Variants in MYO10 observed in about 807,000 individuals in gnomAD.
MYO10 encodes myosin X.
Under a neutral mutation model 257.3 loss-of-function variants are expected in MYO10, and 133 were observed. The observed-to-expected ratio is 0.52, with a 90% confidence interval of 0.45 to 0.60. The LOEUF is 0.60. Ranked by LOEUF, MYO10 falls within the 20% of genes least tolerant of loss-of-function variation. The pLI is 0.00. For synonymous variants in MYO10, 1,104 were observed against 1,028.6 expected (o/e 1.07, Z -1.40); for missense variants, 2,399 against 2,635.7 (o/e 0.91, Z 1.97).
intron 2 of MYO10, among the ~76,000 whole-genome samples, chr5:16,851,179 A>C (rs1471683046): frequency 6.6e-6 from 1 of 152,134 alleles, no homozygotes; most frequent in Non-Finnish European, 1.5e-5. Flanking sequence ...ACATTTCTGA[A>C]CTTGAAGTCC....
intron 2 of MYO10, among the ~76,000 whole-genome samples, chr5:16,842,254 C>T (rs1194224184): frequency 6.6e-6 from 1 of 152,146 alleles, no homozygotes; most frequent in African/African-American, 2.4e-5. Context: ...AAAAGCTCCA[C>T]TGTTTAAAAT....
intron 26 of MYO10, among the ~76,000 whole-genome samples, chr5:16,697,730 C>CA (rs201567143): frequency 0.028 from 3,377 of 121,578 alleles, 60 homozygotes; most frequent in Non-Finnish European, 0.033. Flanking sequence ...GTGGTGAAGA[C>CA]AAAAAAAAGA....
intron 4 of MYO10, among the ~76,000 whole-genome samples, chr5:16,785,785 A>G (rs1028156742): frequency 1.1e-4 from 17 of 152,154 alleles, no homozygotes; most frequent in African/African-American, 4.1e-4. Flanking sequence ...CAGAAGAATC[A>G]CTTGAACCTG....
At chr5:16,696,692 C>A (rs1007145447) in intron 26 of MYO10, among the ~76,000 whole-genome samples, 4 of 134,758 alleles carry the variant, frequency 3.0e-5, no homozygotes, top group African/African-American at 1.1e-4. Context: ...CCCGTCTCTA[C>A]TCAAAATACA....
At chr5:16,918,278 A>T (rs2126798146) in intron 1 of MYO10, among the ~76,000 whole-genome samples, 1 of 151,250 alleles carries the variant, frequency 6.6e-6, no homozygotes, top group South Asian at 2.1e-4. Flanking sequence ...AGGCAGATAG[A>T]AGCATCAGCT....
intron 30 of MYO10, among the ~76,000 whole-genome samples, chr5:16,683,290 A>C (rs1737091595): frequency 6.6e-6 from 1 of 152,222 alleles, no homozygotes; most frequent in Non-Finnish European, 1.5e-5. Flanking sequence ...GCAGGCCAGA[A>C]GTAGAACTTA....
intron 33 of MYO10, among the ~76,000 whole-genome samples, chr5:16,677,617 G>A (rs1224330888): frequency 5.9e-5 from 9 of 151,354 alleles, no homozygotes; most frequent in Non-Finnish European, 7.4e-5. Context: ...GGGTTTCACC[G>A]TGTTAGCCAG....
At chr5:16,702,887 T>C in intron 23 of MYO10, 38 bp downstream of exon 23, 1 of 1,506,220 alleles carries the variant, frequency 6.6e-7, no homozygotes, top group Non-Finnish European at 9.0e-7. Flanking sequence ...ACTCAAAATG[T>C]ATCCATTTGT....
chr5:16,855,055 G>T (rs1456577754), intron 2 of MYO10, among the ~76,000 whole-genome samples: 1 of 151,492 alleles, frequency 6.6e-6, no homozygotes. Flanking sequence ...CAAAAAAACT[G>T]TTGCTTTGTA....
intron 1 of MYO10, among the ~76,000 whole-genome samples, chr5:16,912,802 G>GCGCGCA (rs374077433): frequency 9.0e-6 from 1 of 111,594 alleles, no homozygotes. Flanking sequence ...CTACCACCCT[G>GCGCGCA]CACACACACA....
chr5:16,666,523 T>C lies in MYO10; in HGVS notation c.*169A>G, dbSNP rs1736174936. 1.7e-6 allele frequency: 1 copy of C among 590,868 alleles called. No homozygotes were observed. The highest frequency in any genetic ancestry group is 3.1e-5 in the Admixed American group (1 of 32,542). 36.6% of individuals were successfully genotyped at this position (590,868 alleles called of 1,614,324 possible). On this transcript the variant is annotated 3_prime_UTR_variant, in exon 41 of 41. Transcript: ENST00000513610. ...AGTTGACAGCTTAATACAGGATCAA[T>C]GAAGGCGGCAGGCAAAAGGATCCTC...
At chr5:16,898,931 AGCCT>A (rs1745296444) in intron 1 of MYO10, among the ~76,000 whole-genome samples, 6 of 127,996 alleles carry the variant, frequency 4.7e-5, no homozygotes, top group Admixed American at 8.7e-5. Flanking sequence ...AGATCACCTG[AGCCT>A]GGCCACCTGG....
intron 2 of MYO10, among the ~76,000 whole-genome samples, chr5:16,838,434 G>C (rs898039043): frequency 5.3e-5 from 8 of 152,144 alleles, no homozygotes; most frequent in Non-Finnish European, 8.8e-5. Context: ...CCAGAGCAAG[G>C]CCCTCATTCT....
intron 34 of MYO10, among the ~76,000 whole-genome samples, chr5:16,675,393 G>C (rs1384329452): frequency 6.6e-6 from 1 of 152,140 alleles, no homozygotes; most frequent in Non-Finnish European, 1.5e-5. Context: ...AAGGTAATCT[G>C]TTGCTGAACA....
At chr5:16,741,635 A>G (rs899344207) in intron 19 of MYO10, among the ~76,000 whole-genome samples, 3 of 152,214 alleles carry the variant, frequency 2.0e-5, no homozygotes, top group African/African-American at 7.2e-5. Flanking sequence ...TTGTAGTTCA[A>G]ACTTGTACAT....
chr5:16,758,642 G>T (rs1483503977), intron 17 of MYO10, among the ~76,000 whole-genome samples: 1 of 152,154 alleles, frequency 6.6e-6, no homozygotes, highest in Non-Finnish European at 1.5e-5. Context: ...ACTAATTACA[G>T]GGTGAGGCAG....
intron 1 of MYO10, among the ~76,000 whole-genome samples, chr5:16,893,196 C>CAAACAAAAA (rs538239809): frequency 0.017 from 1,160 of 69,556 alleles, 32 homozygotes; most frequent in Middle Eastern, 0.041. Flanking sequence ...GACTCTGTCT[C>CAAACAAAAA]AAAAAAAAAA....
intron 2 of MYO10, among the ~76,000 whole-genome samples, chr5:16,850,136 G>A (rs1197589668): frequency 2.0e-5 from 3 of 152,150 alleles, no homozygotes; most frequent in South Asian, 2.1e-4. Flanking sequence ...CAGTGTATTC[G>A]TATTTGTCCA....
chr5:16,808,438 A>T (rs1024495904), intron 3 of MYO10, among the ~76,000 whole-genome samples: 1 of 152,138 alleles, frequency 6.6e-6, no homozygotes, highest in African/African-American at 2.4e-5. Context: ...GCACCACTAC[A>T]CTCCAGCCTG....
Sources: allele counts gnomAD v4.1 joint callset (sites outside exome capture counted in the v4.1 genomes callset), GRCh38; gene constraint gnomAD v4.1.1; transcripts MANE v1.5; gene names NCBI Gene and HGNC (gene_info 2026-07-23, HGNC 2026-07-21).